PDE3B: variants seen among roughly 807,000 people sequenced by gnomAD.
PDE3B encodes cGMP-inhibited 3',5'-cyclic phosphodiesterase 3B.
In PDE3B, 66 loss-of-function variants were observed where a neutral mutation model predicts 116.8. The ratio of observed to expected loss-of-function variants is 0.56; its 90% CI spans 0.46 to 0.69. The LOEUF is 0.69. Among genes scored for constraint, PDE3B ranks in the 30% least tolerant of loss-of-function variants. PDE3B has a pLI of 0.00. For synonymous variants in PDE3B, 595 were observed against 533.6 expected (o/e 1.12, Z -1.59); for missense variants, 1,384 against 1,368.1 (o/e 1.01, Z -0.18).
rs200265373 is a variant in PDE3B at position 14,868,434 on chromosome 11, T to TG, written c.3139+683dup. Among the ~76,000 whole-genome samples the TG allele has an allele frequency of 2.0e-4, 30 of 150,038 alleles. No individual in the cohort carries two copies. In the East Asian group the frequency reaches 4.5e-3, roughly 23 times the overall value. ...AGACTTGAGAAGTAGATCAAAACAG[T>TG]GGGGGGGAGGGGGGAAGGAAAACAT... On this transcript the variant is annotated intron_variant, in intron 15 of 15. Transcript: ENST00000282096.
intron 1 of PDE3B, among the ~76,000 whole-genome samples, chr11:14,652,332 T>A (rs1298065929): frequency 6.6e-6 from 1 of 152,198 alleles, no homozygotes; most frequent in Non-Finnish European, 1.5e-5. Context: ...TTCTATGTCA[T>A]AGGTCTATAC....
intron 1 of PDE3B, among the ~76,000 whole-genome samples, chr11:14,722,217 G>A (rs1029228284): frequency 4.6e-5 from 7 of 151,436 alleles, no homozygotes; most frequent in African/African-American, 1.7e-4. Flanking sequence ...GTTAAATGAC[G>A]AGTTAATGGG....
chr11:14,883,053 A>G, the PDE3B span, among the ~76,000 whole-genome samples: 1 of 152,220 alleles, frequency 6.6e-6, no homozygotes, highest in Non-Finnish European at 1.5e-5. Flanking sequence ...CAAATGGAAG[A>G]ACATTCCATG....
chr11:14,751,599 A>G (rs1295795899), intron 1 of PDE3B, among the ~76,000 whole-genome samples: 1 of 152,192 alleles, frequency 6.6e-6, no homozygotes. Context: ...AAACAAGGAC[A>G]GTAGTTTATT....
intron 14 of PDE3B, among the ~76,000 whole-genome samples, chr11:14,865,638 T>C (rs56039573): frequency 2.4e-4 from 36 of 152,296 alleles, no homozygotes; most frequent in African/African-American, 7.9e-4. Context: ...TTTACTATTA[T>C]CTATTTAAAT....
chr11:14,680,802 A>G (rs1447303018), intron 1 of PDE3B, among the ~76,000 whole-genome samples: 2 of 151,540 alleles, frequency 1.3e-5, no homozygotes, highest in East Asian at 3.9e-4. Flanking sequence ...AGGAATGGAC[A>G]TTTTTTACTG....
intron 1 of PDE3B, among the ~76,000 whole-genome samples, chr11:14,651,333 G>T (rs1173385324): frequency 1.3e-5 from 2 of 151,946 alleles, no homozygotes; most frequent in Non-Finnish European, 2.9e-5. Context: ...ATTGGATTGG[G>T]GTCCACCCTG....
intron 6 of PDE3B, among the ~76,000 whole-genome samples, chr11:14,818,930 G>A (rs2133950473): frequency 6.6e-6 from 1 of 152,182 alleles, no homozygotes; most frequent in African/African-American, 2.4e-5. Flanking sequence ...CAGATCCAAT[G>A]TTGACTTTTC....
intron 12 of PDE3B, among the ~76,000 whole-genome samples, chr11:14,846,681 G>T (rs1015589873): frequency 2.6e-5 from 4 of 152,080 alleles, no homozygotes; most frequent in Admixed American, 2.0e-4. Flanking sequence ...AAAGGCAGGG[G>T]TTGCAATTCT....
chr11:14,879,253 G>A, the PDE3B span: 1 of 1,613,046 alleles, frequency 6.2e-7, no homozygotes, highest in African/African-American at 1.3e-5. Context: ...TTACTGTTGT[G>A]CCTTTAGGAA....
chr11:14,742,903 A>G (rs944840302), intron 1 of PDE3B, among the ~76,000 whole-genome samples: 3 of 152,072 alleles, frequency 2.0e-5, no homozygotes, highest in African/African-American at 7.2e-5. Context: ...AGGCTGCAGA[A>G]CAGTAAAGAT....
At chr11:14,876,799 AG>A (rs1848194088), downstream of PDE3B, among the ~76,000 whole-genome samples, 1 of 152,150 alleles carries the variant, frequency 6.6e-6, no homozygotes, top group Non-Finnish European at 1.5e-5. Context: ...GGAAAGACAC[AG>A]GATCTTTGAT....
chr11:14,740,387 A>T (rs983934571), intron 1 of PDE3B, among the ~76,000 whole-genome samples: 7 of 152,122 alleles, frequency 4.6e-5, no homozygotes, highest in African/African-American at 1.7e-4. Flanking sequence ...GTTTATTTGC[A>T]TAGAGATGTT....
chr11:14,711,665 C>A (rs1855706429), intron 1 of PDE3B, among the ~76,000 whole-genome samples: 1 of 152,088 alleles, frequency 6.6e-6, no homozygotes, highest in African/African-American at 2.4e-5. Context: ...CATGAGGAAC[C>A]CGCCCCCATG....
At chr11:14,891,867 CG>C in the PDE3B span, 1 of 1,410,430 alleles carries the variant, frequency 7.1e-7, no homozygotes, top group South Asian at 1.4e-5. Flanking sequence ...AGCCGGCACA[CG>C]GAGAGGTCCC....
intron 1 of PDE3B, among the ~76,000 whole-genome samples, chr11:14,723,485 G>C (rs1269060089): frequency 1.3e-5 from 2 of 152,148 alleles, no homozygotes; most frequent in Non-Finnish European, 2.9e-5. Context: ...CAGGCACAGT[G>C]GCTCATGCCT....
At chr11:14,829,650 T>G (rs1000200592) in intron 7 of PDE3B, among the ~76,000 whole-genome samples, 4 of 151,828 alleles carry the variant, frequency 2.6e-5, no homozygotes, top group Non-Finnish European at 5.9e-5. Context: ...CGAGAACACA[T>G]GGACATAAAG....
intron 10 of PDE3B, 139 bp from the exon 11 acceptor site, chr11:14,834,843 C>G: frequency 4.2e-6 from 2 of 481,298 alleles, no homozygotes; most frequent in Non-Finnish European, 7.6e-6. Flanking sequence ...CATCAAGAGA[C>G]TTTAGATGAA....
intron 5 of PDE3B, among the ~76,000 whole-genome samples, chr11:14,808,629 A>G (rs896108642): frequency 1.3e-5 from 2 of 151,954 alleles, no homozygotes; most frequent in African/African-American, 4.8e-5. Flanking sequence ...GAGCTTGTAT[A>G]TGTAAAATCC....
Sources: gnomAD v4.1 joint callset for allele counts (sites outside exome capture counted in the v4.1 genomes callset) on GRCh38, gnomAD v4.1.1 for gene constraint, MANE v1.5 for transcripts, NCBI Gene and HGNC (gene_info 2026-07-23, HGNC 2026-07-21) for gene names.